FRMPD2: variants seen among roughly 807,000 people sequenced by gnomAD.
FRMPD2 encodes FERM and PDZ domain containing 2, also known as FERM and PDZ domain-containing protein 2.
In FRMPD2, 96 loss-of-function variants were observed where a neutral mutation model predicts 140.1. The observed-to-expected ratio is 0.69, with a 90% CI of 0.58 to 0.81. The LOEUF (loss-of-function observed/expected upper bound fraction) is 0.81. Among genes scored for constraint, FRMPD2 ranks in the 40% least tolerant of loss-of-function variants. The pLI is 0.00. For missense variants in FRMPD2, 1,240 were observed against 1,447.4 expected (o/e 0.86, Z 2.32); for synonymous variants, 449 against 547.6 (o/e 0.82, Z 2.52).
chr10:48,212,134 G>A (rs1343945536), intron 12 of FRMPD2, 25 bp from the exon 13 acceptor site: 3 of 1,612,338 alleles, frequency 1.9e-6, no homozygotes, highest in Admixed American at 1.7e-5. Flanking sequence ...TAGAAGGGAA[G>A]GGCACAATCC....
At chr10:48,210,375 T>C (rs1468888000) in intron 13 of FRMPD2, among the ~76,000 whole-genome samples, 2 of 152,200 alleles carry the variant, frequency 1.3e-5, no homozygotes, top group Non-Finnish European at 2.9e-5. Flanking sequence ...AAAATGGTTT[T>C]CTGTATTTTT....
chr10:48,212,450 A>G (rs1345183152), intron 12 of FRMPD2, among the ~76,000 whole-genome samples: 1 of 152,226 alleles, frequency 6.6e-6, no homozygotes, highest in African/African-American at 2.4e-5. Flanking sequence ...GTCACTCAAC[A>G]GGGCGAAGAT....
intron 1 of FRMPD2, among the ~76,000 whole-genome samples, chr10:48,260,171 A>G (rs1018898462): frequency 6.6e-6 from 1 of 152,056 alleles, no homozygotes; most frequent in Admixed American, 6.6e-5. Context: ...TGATAGATAG[A>G]TAGATCTATA....
At chr10:48,217,743 T>C (rs1040244384) in intron 12 of FRMPD2, among the ~76,000 whole-genome samples, 4 of 152,222 alleles carry the variant, frequency 2.6e-5, no homozygotes, top group African/African-American at 9.7e-5. Context: ...CTGTTTTAAC[T>C]GTTGGGCTTG....
At chr10:48,265,638 A>G (rs1373821240) in intron 1 of FRMPD2, among the ~76,000 whole-genome samples, 3 of 152,268 alleles carry the variant, frequency 2.0e-5, no homozygotes, top group African/African-American at 7.2e-5. Flanking sequence ...ACTGATCATT[A>G]GAGACATGCA....
chr10:48,223,133 C>T lies in FRMPD2; in HGVS notation c.1306G>A (p.Gly436Arg). 2 of 1,613,620 alleles carry T rather than the reference C, an allele frequency of 1.2e-6. No individual in the cohort carries two copies. The highest frequency in any genetic ancestry group is 8.5e-7 in the Non-Finnish European group (1 of 1,179,712). Residue 436 changes from glycine to arginine, a missense_variant, in exon 11 of 29, where the codon GGG becomes AGG. Gly to Arg is a moderately radical substitution (Grantham distance 125). Coordinates refer to ENST00000374201, the MANE Select transcript of FRMPD2 (RefSeq NM_001018071.4). ...GTTTGCAGCACTCACTGGAGCAGCCCATAGTGGCTGACAAAGAACTTTATC... is the reference window on the plus strand; with the variant it reads ...GTTTGCAGCACTCACTGGAGCAGCCTATAGTGGCTGACAAAGAACTTTATC... ...LRIKFFVSHY[G>R]LLQHSLTRHQ...
At chr10:48,222,518 G>T in intron 11 of FRMPD2, 67 bp from the exon 12 acceptor site, 1 of 1,551,398 alleles carries the variant, frequency 6.4e-7, no homozygotes, top group Non-Finnish European at 8.8e-7. Context: ...AGCACCAGTG[G>T]GTTTTCTCAG....
At chr10:48,231,840 T>A (rs1839854220) in intron 10 of FRMPD2, among the ~76,000 whole-genome samples, 1 of 152,232 alleles carries the variant, frequency 6.6e-6, no homozygotes, top group Non-Finnish European at 1.5e-5. Flanking sequence ...TTTGCTTGTT[T>A]GTCTAACTTC....
chr10:48,210,827 T>C (rs1260612645), intron 13 of FRMPD2, among the ~76,000 whole-genome samples: 1 of 152,246 alleles, frequency 6.6e-6, no homozygotes, highest in East Asian at 1.9e-4. Flanking sequence ...AGTACCCATC[T>C]CAATTAAGGG....
rs375087885 is a variant in FRMPD2 at position 48,271,983 on chromosome 10, T to C, written c.25+2560A>G. ...CTGAGTATATGGAGAGGGCAGGGAA[T>C]AGGCTAGAGACAAGCCAGCAAAACT... is the stretch of plus-strand genomic sequence containing the variant. On this transcript the variant is annotated intron_variant, in intron 1 of 28. Transcript: ENST00000374201. 1.1e-3 allele frequency among the ~76,000 whole-genome samples: 164 copies of C among 152,342 alleles called. 4 individuals carry two copies. In the South Asian group the frequency reaches 0.033, roughly 31 times the overall value.
intron 1 of FRMPD2, among the ~76,000 whole-genome samples, chr10:48,255,088 TG>T (rs146436370): frequency 0.032 from 4,804 of 152,178 alleles, 96 homozygotes; most frequent in Non-Finnish European, 0.043. Context: ...ATGGGCATTT[TG>T]GGGGGGCCCC....
At chr10:48,183,448 A>T (rs137929784) in intron 20 of FRMPD2, among the ~76,000 whole-genome samples, 173 of 152,272 alleles carry the variant, frequency 1.1e-3, no homozygotes, top group African/African-American at 3.9e-3. Flanking sequence ...TTGCTCTCTC[A>T]TTCTTATCTA....
At chr10:48,186,831 ATCTAC>A (rs1315169594) in intron 17 of FRMPD2, among the ~76,000 whole-genome samples, 1 of 152,138 alleles carries the variant, frequency 6.6e-6, no homozygotes, top group Non-Finnish European at 1.5e-5. Flanking sequence ...AGGGACTGCC[ATCTAC>A]TCTGTGTATG....
At chr10:48,157,446 T>C in intron 28 of FRMPD2, 76 bp from the exon 29 acceptor site, 1 of 896,584 alleles carries the variant, frequency 1.1e-6, no homozygotes, top group East Asian at 2.4e-5. Flanking sequence ...CCCAAATCAA[T>C]GGGTTGGCTT....
intron 1 of FRMPD2, among the ~76,000 whole-genome samples, chr10:48,258,084 G>A (rs1189503924): frequency 2.0e-5 from 3 of 152,200 alleles, no homozygotes; most frequent in Admixed American, 6.5e-5. Context: ...CTCTCAGAGC[G>A]ATCTTTTCCT....
chr10:48,230,075 A>C (rs1185397955), intron 10 of FRMPD2, among the ~76,000 whole-genome samples: 7 of 152,112 alleles, frequency 4.6e-5, no homozygotes, highest in Non-Finnish European at 7.4e-5. Flanking sequence ...GGTTTTTATA[A>C]TTTTTACTTG....
chr10:48,229,668 TATA>T (rs1237321505), intron 10 of FRMPD2, among the ~76,000 whole-genome samples: 1 of 152,178 alleles, frequency 6.6e-6, no homozygotes, highest in Admixed American at 6.5e-5. Context: ...TATGTCTTAG[TATA>T]ATATTTGGTT....
chr10:48,162,833 C>A lies in FRMPD2; in HGVS notation c.3881+495G>T, dbSNP rs1280629282. 8.0e-5 allele frequency among the ~76,000 whole-genome samples: 11 copies of A among 137,138 alleles called. No individual in the cohort carries two copies. The South Asian group carries it at 1.9e-3, about 24-fold the overall frequency. The allele number at this position is 137,138 out of a possible 152,430, so 90.0% of individuals were successfully genotyped here. On this transcript the variant is annotated intron_variant, in intron 28 of 28. Transcript: ENST00000374201. ...GGCATGATGGCTGGTGCCTGTAGAC[C>A]CAGCTATTGACCGGCTGAGGTGGGA...
In FRMPD2 at chr10:48,192,647, G is replaced by A. The variant is rs762262160; in HGVS notation, c.2165+37C>T. 32 of 1,530,048 alleles carry A rather than the reference G, an allele frequency of 2.1e-5. No individual in the cohort carries two copies. In the Admixed American group the frequency reaches 2.5e-4, roughly 12 times the overall value. The allele number at this position is 1,530,048 out of a possible 1,614,324, so 94.8% of individuals were successfully genotyped here. A position where few individuals can be genotyped will look rare whatever the true frequency, so the allele number is the denominator to read the frequency against. ...ATCACTGCAAACCATCAAGCACATG[G>A]TGGTTTGGGCCCAGAGAACAAATGT... On this transcript the variant is annotated intron_variant, in intron 16 of 28. Coordinates refer to ENST00000374201, the MANE Select transcript of FRMPD2 (RefSeq NM_001018071.4).
Sources: allele counts gnomAD v4.1 joint callset (sites outside exome capture counted in the v4.1 genomes callset), GRCh38; gene constraint gnomAD v4.1.1; transcripts MANE v1.5; gene names NCBI Gene and HGNC (gene_info 2026-07-23, HGNC 2026-07-21).